MAML2: variants seen among roughly 807,000 people sequenced by gnomAD.
MAML2 encodes the protein mastermind-like protein 2.
Under a neutral mutation model 96.1 loss-of-function variants are expected in MAML2, and 22 were observed. The ratio of observed to expected loss-of-function variants is 0.23; its 90% CI spans 0.16 to 0.33. MAML2 has a LOEUF of 0.33. MAML2 is among the 10% of genes least tolerant of loss of function. The probability of loss-of-function intolerance (pLI) is 1.00; values close to 1 mark genes in which losing one functional copy is unlikely to be tolerated. For missense variants in MAML2, 1,367 were observed against 1,392.4 expected, an observed-to-expected ratio of 0.98 and a Z score of 0.29; for synonymous variants, 561 against 521.3, an observed-to-expected ratio of 1.08 and a Z score of -1.04.
intron 1 of MAML2, among the ~76,000 whole-genome samples, chr11:96,109,621 T>C (rs776265303): frequency 6.6e-6 from 1 of 152,168 alleles, no homozygotes; most frequent in Non-Finnish European, 1.5e-5. Flanking sequence ...TAGGACTAAA[T>C]ACAAATTTCC....
At chr11:96,007,046 A>T (rs1411224637) in intron 2 of MAML2, among the ~76,000 whole-genome samples, 1 of 151,584 alleles carries the variant, frequency 6.6e-6, no homozygotes, top group Non-Finnish European at 1.5e-5. Flanking sequence ...CTCTGTCACC[A>T]GGCTGGAGTG....
chr11:96,072,106 C>A (rs901203031), intron 2 of MAML2, among the ~76,000 whole-genome samples: 1 of 152,126 alleles, frequency 6.6e-6, no homozygotes, highest in Admixed American at 6.6e-5. Flanking sequence ...CTTTAAAAAA[C>A]TGAAAATTTC....
chr11:96,061,855 T>C (rs1280265816), intron 2 of MAML2, among the ~76,000 whole-genome samples: 1 of 152,278 alleles, frequency 6.6e-6, no homozygotes, highest in African/African-American at 2.4e-5. Context: ...AAATTTATCC[T>C]GCTTACTCTT....
chr11:96,124,385 T>A (rs955922304), intron 1 of MAML2, among the ~76,000 whole-genome samples: 3 of 152,130 alleles, frequency 2.0e-5, no homozygotes, highest in African/African-American at 7.2e-5. Context: ...TGTTCTCTGG[T>A]TTGATTCCAG....
chr11:96,196,454 G>A (rs1257618591), intron 1 of MAML2, among the ~76,000 whole-genome samples: 4 of 152,312 alleles, frequency 2.6e-5, no homozygotes, highest in African/African-American at 4.8e-5. Flanking sequence ...CTGATGATCC[G>A]TGGATACAGA....
At chr11:96,046,435 G>T (rs1222368736) in intron 2 of MAML2, among the ~76,000 whole-genome samples, 1 of 152,046 alleles carries the variant, frequency 6.6e-6, no homozygotes, top group African/African-American at 2.4e-5. Context: ...ACTATGAATG[G>T]TAGACTACCT....
chr11:96,082,693 T>C (rs910755750), intron 2 of MAML2, among the ~76,000 whole-genome samples: 1 of 152,114 alleles, frequency 6.6e-6, no homozygotes, highest in Non-Finnish European at 1.5e-5. Context: ...CTAAGGAGTA[T>C]GGAGCAAGGC....
intron 1 of MAML2, among the ~76,000 whole-genome samples, chr11:96,337,505 A>C (rs1394334999): frequency 1.3e-5 from 2 of 152,252 alleles, no homozygotes; most frequent in Non-Finnish European, 2.9e-5. Context: ...TCTGGGGGAC[A>C]CATCTTTCCA....
At chr11:96,143,475 G>C (rs1445553838) in intron 1 of MAML2, among the ~76,000 whole-genome samples, 1 of 152,144 alleles carries the variant, frequency 6.6e-6, no homozygotes, top group Non-Finnish European at 1.5e-5. Flanking sequence ...ACAATGTCTA[G>C]TTTTATCCGA....
chr11:96,122,159 A>C (rs1220240593), intron 1 of MAML2, among the ~76,000 whole-genome samples: 1 of 151,754 alleles, frequency 6.6e-6, no homozygotes, highest in Non-Finnish European at 1.5e-5. Context: ...GTGTATGTTA[A>C]CTACTGCCCT....
intron 2 of MAML2, among the ~76,000 whole-genome samples, chr11:96,066,954 TAGAG>T (rs748102451): frequency 5.9e-5 from 9 of 151,998 alleles, no homozygotes; most frequent in Non-Finnish European, 8.8e-5. Context: ...GATAGAGAAA[TAGAG>T]AGAGCGGAGG....
At chr11:96,008,359 T>C (rs1858218582) in intron 2 of MAML2, among the ~76,000 whole-genome samples, 1 of 152,216 alleles carries the variant, frequency 6.6e-6, no homozygotes, top group Non-Finnish European at 1.5e-5. Context: ...CAGGAGAGAA[T>C]GCAGGAAGGG....
intron 1 of MAML2, among the ~76,000 whole-genome samples, chr11:96,191,393 GAC>G (rs1219075111): frequency 6.6e-6 from 1 of 151,366 alleles, no homozygotes. Context: ...GAACTCGGGA[GAC>G]AGAGCTTGCA....
chr11:96,032,530 T>A (rs1858633906), intron 2 of MAML2, among the ~76,000 whole-genome samples: 1 of 139,046 alleles, frequency 7.2e-6, no homozygotes, highest in South Asian at 2.2e-4. Context: ...GAGGTTGCAG[T>A]GAGCCAAGAC....
rs535541705 is a variant in MAML2 at position 96,169,567 on chromosome 11, G to T, written c.514-76050C>A. ...CACTAGCAATAGTGAGTTCATGGCT[G>T]GTTTTCTGTAAAGCCAATTCCCATT... On this transcript the variant is annotated intron_variant, in intron 1 of 4. Coordinates refer to ENST00000524717, the MANE Select transcript of MAML2 (RefSeq NM_032427.4). Among the ~76,000 whole-genome samples, 4 of 152,296 alleles carry T rather than the reference G, an allele frequency of 2.6e-5. 1 individual carries two copies. In the South Asian group the frequency reaches 8.3e-4, roughly 32 times the overall value.
intron 2 of MAML2, among the ~76,000 whole-genome samples, chr11:96,000,959 T>A (rs1000802048): frequency 2.7e-4 from 41 of 152,300 alleles, no homozygotes; most frequent in African/African-American, 9.6e-4. Context: ...AAGAAAGTAT[T>A]TGGTTTAGTA....
chr11:96,078,617 C>T (rs1486030392), intron 2 of MAML2, among the ~76,000 whole-genome samples: 2 of 152,190 alleles, frequency 1.3e-5, no homozygotes, highest in East Asian at 3.9e-4. Flanking sequence ...TGCTAGAGAA[C>T]AGTGCTGGAA....
rs567729574 is a variant in MAML2, at chr11:96,098,690, C to T, written c.514-5173G>A. On this transcript the variant is annotated intron_variant, in intron 1 of 4. Coordinates refer to ENST00000524717, the MANE Select transcript of MAML2 (RefSeq NM_032427.4). ...ACACCTAGATGCTATTTGAGGCCTGCGGTCTCTGCTGGGGAAAGGCATAGG... is the reference window on the plus strand; with the variant it reads ...ACACCTAGATGCTATTTGAGGCCTGTGGTCTCTGCTGGGGAAAGGCATAGG... 2.6e-5 allele frequency among the ~76,000 whole-genome samples: 4 copies of T among 152,308 alleles called. No homozygotes were observed. In the South Asian group the frequency reaches 8.3e-4, roughly 32 times the overall value.
At chr11:96,242,330 A>G (rs148742315) in intron 1 of MAML2, among the ~76,000 whole-genome samples, 1 of 152,362 alleles carries the variant, frequency 6.6e-6, no homozygotes, top group African/African-American at 2.4e-5. Context: ...AAAAATCACT[A>G]GGGATTTTAA....
Sources: gnomAD v4.1 joint callset for allele counts (sites outside exome capture counted in the v4.1 genomes callset) on GRCh38, gnomAD v4.1.1 for gene constraint, MANE v1.5 for transcripts, NCBI Gene and HGNC (gene_info 2026-07-23, HGNC 2026-07-21) for gene names.